PCDHGA1: variants seen among roughly 807,000 people sequenced by gnomAD.
PCDHGA1 encodes protocadherin gamma subfamily A, 1.
Under a neutral mutation model 58.0 loss-of-function variants are expected in PCDHGA1, and 32 were observed. That is an observed-to-expected ratio of 0.55 (90% CI 0.42 to 0.74). The LOEUF (loss-of-function observed/expected upper bound fraction) is 0.74, where lower values mean the gene tolerates loss of function less well. Among genes scored for constraint, PCDHGA1 ranks in the 30% least tolerant of loss-of-function variants. PCDHGA1 has a pLI of 0.00. For missense variants in PCDHGA1, 1,205 were observed against 1,182.3 expected (o/e 1.02, Z -0.28); for synonymous variants, 498 against 501.1 (o/e 0.99, Z 0.08).
At chr5:141,385,355 G>A in intron 1 of PCDHGA1, 1 of 1,548,228 alleles carries the variant, frequency 6.5e-7, no homozygotes, top group Non-Finnish European at 8.7e-7. Flanking sequence ...TTTCCATGAG[G>A]AATTTATTTG....
chr5:141,397,953 C>A, intron 1 of PCDHGA1: 2 of 962,110 alleles, frequency 2.1e-6, no homozygotes. Flanking sequence ...CAGGGCAGCC[C>A]CAGCTCAGAC....
Position 141,432,647 on chromosome 5 carries a change from C to G in PCDHGA1, c.2422-62160C>G, listed in dbSNP as rs747789886. The G allele has an allele frequency of 1.7e-5, 28 of 1,613,678 alleles. No individual in the cohort carries two copies. In the Admixed American group the frequency reaches 4.5e-4, roughly 26 times the overall value. ...GCACACGGGCGAGGTGCGCACGGCG[C>G]GAGCCCTGCTGGACAGAGACGCGCT... On this transcript the variant is annotated intron_variant, in intron 1 of 3. Coordinates refer to ENST00000517417, the MANE Select transcript of PCDHGA1 (RefSeq NM_018912.3). This position sits in a 1 kb window ranked among gnomAD's most constrained non-coding sequence, Gnocchi z 6.0.
At chr5:141,458,563 G>T (rs1181785251) in intron 1 of PCDHGA1, among the ~76,000 whole-genome samples, 1 of 140,116 alleles carries the variant, frequency 7.1e-6, no homozygotes, top group Non-Finnish European at 1.5e-5. Context: ...TTTTGGTTTT[G>T]GGTTTTTGTT....
intron 1 of PCDHGA1, chr5:141,393,217 T>C (rs760159490): frequency 1.2e-6 from 2 of 1,613,564 alleles, no homozygotes; most frequent in Admixed American, 3.3e-5. Flanking sequence ...AAATTCCAGG[T>C]CGAAGATCTA....
rs749937052 is a variant in PCDHGA1, at chr5:141,490,441, G to A, written c.2422-4366G>A. ...CCTGCCATTTCAGATTAAGCCTTCT[G>A]AGAACCACTACTCGCTGCTAACCAG... On this transcript the variant is annotated intron_variant, in intron 1 of 3. Coordinates refer to ENST00000517417, the MANE Select transcript of PCDHGA1 (RefSeq NM_018912.3). The surrounding 1 kb of genome is among the most constrained non-coding windows in gnomAD (Gnocchi z 5.4). The A allele has an allele frequency of 9.3e-6, 15 of 1,614,208 alleles. No homozygotes were observed. The highest frequency in any genetic ancestry group is 1.2e-5 in the Non-Finnish European group (14 of 1,180,042).
At chr5:141,492,189 G>C (rs2099737936) in intron 1 of PCDHGA1, among the ~76,000 whole-genome samples, 1 of 152,204 alleles carries the variant, frequency 6.6e-6, no homozygotes, top group Non-Finnish European at 1.5e-5. Context: ...GCACCTGTCT[G>C]CGGGACTTAG....
intron 1 of PCDHGA1, among the ~76,000 whole-genome samples, chr5:141,457,067 G>A (rs946526462): frequency 1.3e-5 from 2 of 152,166 alleles, no homozygotes; most frequent in Non-Finnish European, 2.9e-5. Flanking sequence ...CTTTTTGCCA[G>A]TAACTATTAT....
rs773484841 is a variant in PCDHGA1 at position 141,432,092 on chromosome 5, A to G, written c.2422-62715A>G. 4.3e-6 allele frequency: 7 copies of G among 1,614,104 alleles called. No individual in the cohort carries two copies. The East Asian group carries it at 1.6e-4, about 36-fold the overall frequency. On this transcript the variant is annotated intron_variant, in intron 1 of 3. Transcript: ENST00000517417. The surrounding 1 kb of genome is among the most constrained non-coding windows in gnomAD (Gnocchi z 6.0). Reference sequence around the variant, plus strand: ...TCATATCTCGCTGAACGTGGCAGACACCAACGACAACCCGCCGGTCTTCCC... The same window carrying G: ...TCATATCTCGCTGAACGTGGCAGACGCCAACGACAACCCGCCGGTCTTCCC...
At chr5:141,418,435 A>G (rs1237542659) in intron 1 of PCDHGA1, 1 of 1,614,038 alleles carries the variant, frequency 6.2e-7, no homozygotes, top group South Asian at 1.1e-5. Context: ...GCAAATATCC[A>G]GAATTAGTAT....
rs372065725 is a variant in PCDHGA1 at position 141,371,830 on chromosome 5, C to G, written c.2421+38725C>G. On this transcript the variant is annotated intron_variant, in intron 1 of 3. Coordinates refer to ENST00000517417, the MANE Select transcript of PCDHGA1 (RefSeq NM_018912.3). ...ATTGCGCATGTCAGAGCCTCGGATC[C>G]CGACTTGGGACCTAATGGCCTTGTC... 51 of 1,613,696 alleles carry G rather than the reference C, an allele frequency of 3.2e-5. No homozygotes were observed. Among genetic ancestry groups the G allele is most frequent in the Non-Finnish European group, 4.0e-5 (47 of 1,179,912 alleles).
At chr5:141,333,360 C>T in intron 1 of PCDHGA1, 1 of 601,154 alleles carries the variant, frequency 1.7e-6, no homozygotes, top group Non-Finnish European at 2.8e-6. Flanking sequence ...GATGCCATCT[C>T]TGTTTGGAAA....
intron 1 of PCDHGA1, chr5:141,400,317 G>A: frequency 6.2e-7 from 1 of 1,614,078 alleles, no homozygotes; most frequent in Middle Eastern, 1.6e-4. Flanking sequence ...TCTGTGTCAA[G>A]TCTGGACCTG....
intron 1 of PCDHGA1, chr5:141,355,041 G>A: frequency 9.1e-7 from 1 of 1,094,768 alleles, no homozygotes; most frequent in Admixed American, 3.2e-5. Context: ...GATTTCTGCA[G>A]CACAAAGCAC....
At chr5:141,358,446 A>G (rs931369328) in intron 1 of PCDHGA1, among the ~76,000 whole-genome samples, 3 of 152,192 alleles carry the variant, frequency 2.0e-5, no homozygotes, top group Non-Finnish European at 2.9e-5. Flanking sequence ...GGCAACGTCA[A>G]TTTAAGAATA....
chr5:141,367,194 C>G (rs1212197084), intron 1 of PCDHGA1: 4 of 158,964 alleles, frequency 2.5e-5, no homozygotes, highest in African/African-American at 9.7e-5. Flanking sequence ...AAATAATTTA[C>G]AGTATTTACA....
At chr5:141,381,403 A>G (rs1036443196) in intron 1 of PCDHGA1, among the ~76,000 whole-genome samples, 2 of 152,244 alleles carry the variant, frequency 1.3e-5, no homozygotes, top group East Asian at 1.9e-4. Context: ...CTCTATCAAC[A>G]TCAGTGGAGA....
chr5:141,452,303 G>C (rs1271182127), intron 1 of PCDHGA1, among the ~76,000 whole-genome samples: 1 of 152,048 alleles, frequency 6.6e-6, no homozygotes, highest in Non-Finnish European at 1.5e-5. Flanking sequence ...GAAAATATTA[G>C]AGACTCATAC....
chr5:141,403,607 G>A (rs2094432931), intron 1 of PCDHGA1: 6 of 1,613,854 alleles, frequency 3.7e-6, no homozygotes, highest in Non-Finnish European at 5.1e-6. Flanking sequence ...GGATGGCGGC[G>A]AGCCGCGTCG....
chr5:141,365,052 T>TG, intron 1 of PCDHGA1: 1 of 1,613,872 alleles, frequency 6.2e-7, no homozygotes. Context: ...AATGCGCCCC[T>TG]GTTCACCCCA....
Sources: gnomAD v4.1 joint callset for allele counts (sites outside exome capture counted in the v4.1 genomes callset) on GRCh38, gnomAD v4.1.1 for gene constraint, Gnocchi (gnomAD v3.1) non-coding constraint, MANE v1.5 for transcripts, NCBI Gene and HGNC (gene_info 2026-07-23, HGNC 2026-07-21) for gene names.